Variants in NKAIN3 observed in about 807,000 individuals in gnomAD.
NKAIN3 encodes the protein sodium/potassium transporting ATPase interacting 3.
Under a neutral mutation model 30.2 loss-of-function variants are expected in NKAIN3, and 25 were observed. The ratio of observed to expected loss-of-function variants is 0.83; its 90% CI spans 0.60 to 1.16. The LOEUF is 1.16. Among genes scored for constraint, NKAIN3 ranks in the 50% most tolerant of loss-of-function variants. NKAIN3 has a pLI of 0.00. For missense variants in NKAIN3, 225 were observed against 254.1 expected (o/e 0.89, Z 0.78); for synonymous variants, 91 against 89.6 (o/e 1.02, Z -0.09).
intron 1 of NKAIN3, among the ~76,000 whole-genome samples, chr8:62,287,942 C>G (rs1271047906): frequency 2.0e-5 from 3 of 152,188 alleles, no homozygotes; most frequent in Non-Finnish European, 4.4e-5. Context: ...CCTGTATGTT[C>G]TAGCACTTCC....
At chr8:62,612,226 G>C (rs779114101) in intron 3 of NKAIN3, among the ~76,000 whole-genome samples, 9 of 151,796 alleles carry the variant, frequency 5.9e-5, no homozygotes, top group Non-Finnish European at 1.3e-4. Context: ...GTTTTCTCCA[G>C]CTTTTTATAC....
intron 4 of NKAIN3, among the ~76,000 whole-genome samples, chr8:62,801,869 GA>G (rs1207293560): frequency 6.6e-6 from 1 of 152,058 alleles, no homozygotes; most frequent in African/African-American, 2.4e-5. Flanking sequence ...TAAAAACTTT[GA>G]AAAAAATTTA....
chr8:62,324,388 G>A (rs1815045322), intron 1 of NKAIN3, among the ~76,000 whole-genome samples: 1 of 151,946 alleles, frequency 6.6e-6, no homozygotes, highest in Non-Finnish European at 1.5e-5. Flanking sequence ...ATGTTTATAA[G>A]TAATAAAATT....
chr8:62,770,981 C>A (rs1816990110), intron 4 of NKAIN3, among the ~76,000 whole-genome samples: 1 of 151,914 alleles, frequency 6.6e-6, no homozygotes, highest in South Asian at 2.1e-4. Context: ...AAAAATGAGA[C>A]ATGCAAAGAA....
At chr8:62,802,759 T>A (rs554364971) in intron 4 of NKAIN3, among the ~76,000 whole-genome samples, 1 of 152,088 alleles carries the variant, frequency 6.6e-6, no homozygotes, top group Non-Finnish European at 1.5e-5. Context: ...AATTCACACA[T>A]AACAATATTA....
At chr8:62,429,122 G>A (rs1804912315) in intron 1 of NKAIN3, among the ~76,000 whole-genome samples, 1 of 151,856 alleles carries the variant, frequency 6.6e-6, no homozygotes, top group Non-Finnish European at 1.5e-5. Context: ...TTACTTGGTG[G>A]AAAATTAGCT....
intron 1 of NKAIN3, among the ~76,000 whole-genome samples, chr8:62,492,542 G>A (rs767590886): frequency 1.3e-5 from 2 of 152,052 alleles, no homozygotes; most frequent in Non-Finnish European, 2.9e-5. Context: ...ACCCAACTCT[G>A]TCTGCAATTG....
At position 62,977,367 on chromosome 8, in the gene NKAIN3, T is replaced by C. The variant is rs1169635242; in HGVS notation, c.*11960T>C. On this transcript the variant is annotated 3_prime_UTR_variant, in exon 7 of 7. Coordinates refer to ENST00000623646, the MANE Select transcript of NKAIN3 (RefSeq NM_001304533.3). ...GGCTTGGTCTTTTCACATAGTCCCA[T>C]ATTTCTGAGAGGTTCTGTTCATTCC... Among the ~76,000 whole-genome samples the C allele has an allele frequency of 6.6e-6, 1 of 152,104 alleles. No individual in the cohort carries two copies. The highest frequency in any genetic ancestry group is 6.5e-5 in the Admixed American group (1 of 15,272).
intron 5 of NKAIN3, 128 bp downstream of exon 5, chr8:62,918,641 C>T (rs1586346306): frequency 4.4e-6 from 3 of 678,106 alleles, no homozygotes; most frequent in South Asian, 3.9e-5. Context: ...ACTCAGCACA[C>T]TAAAGTTACA....
At chr8:62,280,216 G>A (rs59950786) in intron 1 of NKAIN3, among the ~76,000 whole-genome samples, 1,920 of 152,160 alleles carry the variant, frequency 0.013, 34 homozygotes, top group African/African-American at 0.041. Context: ...ATTTTTGCAC[G>A]TTGATTTTGT....
At chr8:62,774,238 T>C (rs907614281) in intron 4 of NKAIN3, among the ~76,000 whole-genome samples, 8 of 152,218 alleles carry the variant, frequency 5.3e-5, no homozygotes, top group Non-Finnish European at 1.2e-4. Context: ...TTGCTACTGA[T>C]TTTTGTATGT....
At chr8:62,583,154 C>T (rs548238671) in intron 2 of NKAIN3, among the ~76,000 whole-genome samples, 3 of 152,240 alleles carry the variant, frequency 2.0e-5, no homozygotes, top group South Asian at 4.1e-4. Context: ...ATGTAATTAG[C>T]GCTCAGTACA....
intron 4 of NKAIN3, among the ~76,000 whole-genome samples, chr8:62,906,465 G>A (rs955466227): frequency 1.1e-4 from 17 of 152,164 alleles, no homozygotes; most frequent in Non-Finnish European, 1.5e-5. Context: ...TTTTGAACTT[G>A]AGGATAAAAT....
chr8:62,549,684 A>G (rs1357838789), intron 1 of NKAIN3, among the ~76,000 whole-genome samples: 1 of 151,836 alleles, frequency 6.6e-6, no homozygotes, highest in African/African-American at 2.4e-5. Flanking sequence ...TCTTTCTCCC[A>G]TTCTTTTCCC....
chr8:62,783,464 T>C (rs1182785789), intron 4 of NKAIN3, among the ~76,000 whole-genome samples: 2 of 152,060 alleles, frequency 1.3e-5, no homozygotes, highest in African/African-American at 4.8e-5. Context: ...CAGTCTATGG[T>C]ATTTGGTTAT....
intron 4 of NKAIN3, among the ~76,000 whole-genome samples, chr8:62,864,494 TTGA>T: frequency 6.6e-6 from 1 of 152,272 alleles, no homozygotes; most frequent in Non-Finnish European, 1.5e-5. Context: ...GAATATAATC[TTGA>T]TGAGCCAAAT....
rs1029801947 is a variant in NKAIN3, at chr8:62,306,922, G to A, written c.54+57795G>A. ...ATGTGTCCATAGGGGAAAGCATACT[G>A]GTCATGACCTTACAAGTTCTGCAAC... On this transcript the variant is annotated intron_variant, in intron 1 of 6. Transcript: ENST00000623646. Among the ~76,000 whole-genome samples the A allele has an allele frequency of 6.0e-5, 9 of 149,792 alleles. 1 individual carries two copies. The highest frequency in any genetic ancestry group is 7.6e-5 in the African/African-American group (3 of 39,456).
intron 4 of NKAIN3, chr8:62,855,179 A>G (rs1010310720): frequency 1.5e-5 from 4 of 263,072 alleles, no homozygotes; most frequent in African/African-American, 8.9e-5. Flanking sequence ...TCAAAAATGT[A>G]AAGTCCCTCA....
chr8:62,591,767 A>C (rs1458255244), intron 3 of NKAIN3, among the ~76,000 whole-genome samples: 1 of 152,016 alleles, frequency 6.6e-6, no homozygotes, highest in African/African-American at 2.4e-5. Flanking sequence ...TCTCCTATTT[A>C]CTGCCTCAAA....
Sources: allele counts gnomAD v4.1 joint callset (sites outside exome capture counted in the v4.1 genomes callset), GRCh38; gene constraint gnomAD v4.1.1; transcripts MANE v1.5; gene names NCBI Gene and HGNC (gene_info 2026-07-23, HGNC 2026-07-21).